The following L2HGDH variants were observed in gnomAD, a reference collection of about 807,000 sequenced individuals.
The protein encoded by L2HGDH is L-2-hydroxyglutarate dehydrogenase, mitochondrial.
Under a neutral mutation model 51.5 loss-of-function variants are expected in L2HGDH, and 34 were observed. The ratio of observed to expected loss-of-function variants is 0.66; its 90% CI spans 0.50 to 0.88. L2HGDH has a LOEUF of 0.88. Among genes scored for constraint, L2HGDH ranks in the 40% least tolerant of loss-of-function variants. L2HGDH has a pLI of 0.00. For missense variants in L2HGDH, 558 were observed against 571.9 expected, an observed-to-expected ratio of 0.98 and a Z score of 0.25; for synonymous variants, 198 against 197.9, an observed-to-expected ratio of 1.00 and a Z score of -0.01.
At position 50,267,663 on chromosome 14, in the gene L2HGDH, T is replaced by C. The variant is rs566463234; in HGVS notation, c.1064+90A>G. 98 of 992,428 alleles carry C rather than the reference T, an allele frequency of 9.9e-5. 1 individual carries two copies. In the African/African-American group the frequency reaches 1.5e-3, roughly 15 times the overall value. 61.5% of individuals were successfully genotyped at this position (992,428 alleles called of 1,614,324 possible). ...TATACCAATCACAAATATGGGGATT[T>C]ACCCAATAAGTAGAGTATCAAGAAA... On this transcript the variant is annotated intron_variant, in intron 8 of 9. Coordinates refer to ENST00000267436, the MANE Select transcript of L2HGDH (RefSeq NM_024884.3).
Position 50,244,284 on chromosome 14 carries a change from T to A in L2HGDH, c.*2774A>T. The A allele has an allele frequency of 1.8e-6, 1 of 556,080 alleles. No individual in the cohort carries two copies. Among genetic ancestry groups the A allele is most frequent in the Non-Finnish European group, 2.3e-6 (1 of 438,012 alleles). 34.4% of individuals were successfully genotyped at this position (556,080 alleles called of 1,614,324 possible). ...CTGACTTCCACAATGGTTGAACTAG[T>A]TTACAGTCCCACCAACAGTGTAAAA... On this transcript the variant is annotated 3_prime_UTR_variant, in exon 10 of 10. Transcript: ENST00000267436.
At chr14:50,261,584 G>A (rs772079717) in intron 9 of L2HGDH, among the ~76,000 whole-genome samples, 15 of 152,050 alleles carry the variant, frequency 9.9e-5, no homozygotes, top group Non-Finnish European at 1.6e-4. Context: ...CTGGGCTCAA[G>A]GGATCTTGCC....
intron 9 of L2HGDH, among the ~76,000 whole-genome samples, chr14:50,259,027 T>A (rs1042820792): frequency 2.0e-5 from 3 of 149,258 alleles, no homozygotes; most frequent in Non-Finnish European, 4.5e-5. Flanking sequence ...TTTTTTTTTT[T>A]TTTAATTTTT....
At chr14:50,309,713 TGC>T in intron 1 of L2HGDH, among the ~76,000 whole-genome samples, 1 of 151,454 alleles carries the variant, frequency 6.6e-6, no homozygotes. Flanking sequence ...AAGAGAGTCT[TGC>T]TCTGTTGTCC....
chr14:50,288,172 T>C (rs1890667785), intron 4 of L2HGDH, among the ~76,000 whole-genome samples: 2 of 152,224 alleles, frequency 1.3e-5, no homozygotes, highest in South Asian at 4.1e-4. Flanking sequence ...GATTCTGATA[T>C]ATTAGTTTCA....
chr14:50,294,302 G>GAAAGAT lies in L2HGDH; in HGVS notation c.409-62_409-57dup, dbSNP rs1261716577. On this transcript the variant is annotated intron_variant, in intron 3 of 9. Coordinates refer to ENST00000267436, the MANE Select transcript of L2HGDH (RefSeq NM_024884.3). ...TAGAGGTGAATGTATCATCAGCGAT[G>GAAAGAT]AAAGATAAAGTCAATGGAAAATCAT... 2.9e-4 allele frequency: 453 copies of GAAAGAT among 1,561,318 alleles called. 1 individual carries two copies. Among genetic ancestry groups the GAAAGAT allele is most frequent in the Non-Finnish European group, 3.8e-4 (436 of 1,143,836 alleles).
chr14:50,250,798 A>T (rs1888304723), intron 9 of L2HGDH, among the ~76,000 whole-genome samples: 1 of 152,204 alleles, frequency 6.6e-6, no homozygotes, highest in Non-Finnish European at 1.5e-5. Context: ...CTTATCCAAG[A>T]CCACTTAGGT....
chr14:50,296,740 A>G (rs2030083313), intron 3 of L2HGDH, among the ~76,000 whole-genome samples: 1 of 152,192 alleles, frequency 6.6e-6, no homozygotes, highest in Non-Finnish European at 1.5e-5. Flanking sequence ...TGAGGCCAAT[A>G]TTAGTTTGAT....
chr14:50,259,564 C>T (rs1458159276), intron 9 of L2HGDH, among the ~76,000 whole-genome samples: 1 of 151,646 alleles, frequency 6.6e-6, no homozygotes, highest in Non-Finnish European at 1.5e-5. Flanking sequence ...TGCAGTGGCT[C>T]ACACCTGTAA....
chr14:50,295,521 C>A (rs2029979854), intron 3 of L2HGDH, among the ~76,000 whole-genome samples: 1 of 151,746 alleles, frequency 6.6e-6, no homozygotes, highest in African/African-American at 2.4e-5. Flanking sequence ...ATTCTCCCAC[C>A]TCGGCCTCCC....
intron 9 of L2HGDH, among the ~76,000 whole-genome samples, chr14:50,257,223 C>T (rs1888718636): frequency 6.6e-6 from 1 of 152,124 alleles, no homozygotes; most frequent in South Asian, 2.1e-4. Flanking sequence ...GCCACTGTGC[C>T]CAACCCCATG....
chr14:50,244,918 C>T lies in L2HGDH; in HGVS notation c.*2140G>A, dbSNP rs142774703. ...AGAGAGAATGGATGAAAATGCCTCA[C>T]CTAAATGTGGTTCAGTACTCAAAGT... On this transcript the variant is annotated 3_prime_UTR_variant, in exon 10 of 10. Coordinates refer to ENST00000267436, the MANE Select transcript of L2HGDH (RefSeq NM_024884.3). 1.0e-6 allele frequency: 1 copy of T among 985,446 alleles called. No individual in the cohort carries two copies. Among genetic ancestry groups the T allele is most frequent in the East Asian group, 1.1e-4 (1 of 8,818 alleles). The allele number at this position is 985,446 out of a possible 1,614,324, so 61.0% of individuals were successfully genotyped here.
chr14:50,259,001 C>T (rs555358148), intron 9 of L2HGDH, among the ~76,000 whole-genome samples: 15 of 148,944 alleles, frequency 1.0e-4, no homozygotes, highest in Admixed American at 2.7e-4. Context: ...CGCACCACCA[C>T]GCCAGGCTCT....
At position 50,243,554 on chromosome 14, in the gene L2HGDH, T is replaced by C. The variant is rs1405475499; in HGVS notation, c.*3504A>G. On this transcript the variant is annotated 3_prime_UTR_variant, in exon 10 of 10. Transcript: ENST00000267436. Reference sequence around the variant, plus strand: ...TACATAAAACTTTATTATATCAGTATTAAACAAAAAAACCCTATTGACATA... The same window carrying C: ...TACATAAAACTTTATTATATCAGTACTAAACAAAAAAACCCTATTGACATA... 1.6e-5 allele frequency: 12 copies of C among 753,754 alleles called. No homozygotes were observed. The highest frequency in any genetic ancestry group is 1.8e-5 in the Non-Finnish European group (11 of 619,198). The allele number at this position is 753,754 out of a possible 1,614,324, so 46.7% of individuals were successfully genotyped here. A position where few individuals can be genotyped will look rare whatever the true frequency, so the allele number is the denominator to read the frequency against.
intron 4 of L2HGDH, among the ~76,000 whole-genome samples, chr14:50,293,482 A>G (rs1337435177): frequency 6.6e-6 from 1 of 152,082 alleles, no homozygotes; most frequent in African/African-American, 2.4e-5. Context: ...CAAGTCTTTG[A>G]ATGCATCCAG....
chr14:50,270,529 G>A (rs922568943), intron 6 of L2HGDH, among the ~76,000 whole-genome samples: 3 of 151,514 alleles, frequency 2.0e-5, no homozygotes, highest in Non-Finnish European at 2.9e-5. Flanking sequence ...GTTTTGAGAC[G>A]GAGCCTCACT....
chr14:50,270,969 G>A (rs982428158), intron 6 of L2HGDH, among the ~76,000 whole-genome samples: 7 of 152,152 alleles, frequency 4.6e-5, no homozygotes, highest in Admixed American at 3.3e-4. Context: ...AAATTAGCTA[G>A]ACTAAGCCAT....
intron 4 of L2HGDH, chr14:50,287,250 G>A (rs1232531857): frequency 1.0e-6 from 1 of 984,180 alleles, no homozygotes. Flanking sequence ...TACAACATCT[G>A]AAAAGTTTTG....
Position 50,269,257 on chromosome 14 carries a change from C to T in L2HGDH, c.812G>A (p.Gly271Asp). 1.9e-6 allele frequency: 3 copies of T among 1,613,846 alleles called. No individual in the cohort carries two copies. Among genetic ancestry groups the T allele is most frequent in the South Asian group, 1.1e-5 (1 of 91,078 alleles). The change falls in exon 7 of 10, where the codon GGC (glycine) becomes GAC (aspartate). Residue 271 changes from glycine (G) to aspartate (D), a missense_variant. Transcript: ENST00000267436. ...LYSDRISELS[G>D]CTPDPRIVPF... ...TACAATTCGAGGATCAGGAGTGCAG[C>T]CACTCAACTCTGAAATACGGTCTGA...
Sources: gnomAD v4.1 joint callset for allele counts (sites outside exome capture counted in the v4.1 genomes callset) on GRCh38, gnomAD v4.1.1 for gene constraint, MANE v1.5 for transcripts, NCBI Gene and HGNC (gene_info 2026-07-23, HGNC 2026-07-21) for gene names.